BIRC6: variants seen among roughly 807,000 people sequenced by gnomAD.
The protein encoded by BIRC6 is baculoviral IAP repeat containing 6.
BIRC6 carries 98 observed loss-of-function variants against 503.3 expected under a neutral mutation model. The observed-to-expected ratio is 0.19, with a 90% CI of 0.17 to 0.23. The LOEUF is 0.23. Among genes scored for constraint, BIRC6 ranks in the 10% least tolerant of loss-of-function variants. The pLI, the probability that BIRC6 is intolerant of heterozygous loss-of-function variation, is 1.00. For missense variants in BIRC6, 5,360 were observed against 5,806.0 expected (o/e 0.92, Z 2.50); for synonymous variants, 2,240 against 2,078.7 (o/e 1.08, Z -2.11).
In BIRC6 at chr2:32,529,336, C is replaced by G. The variant is rs185612530; in HGVS notation, c.11921-315C>G. ...TTGTAACAGAGACTATATGGCCCCC[C>G]CAGGTTAAAGTATTTATTAGCTGTC... On this transcript the variant is annotated intron_variant, in intron 59 of 73. Transcript: ENST00000421745. 13 of 220,884 alleles carry G rather than the reference C, an allele frequency of 5.9e-5. No homozygotes were observed. The East Asian group carries it at 1.2e-3, about 21-fold the overall frequency. 13.7% of individuals were successfully genotyped at this position (220,884 alleles called of 1,614,324 possible).
At chr2:32,556,212 A>C (rs761364772) in intron 65 of BIRC6, among the ~76,000 whole-genome samples, 5 of 152,220 alleles carry the variant, frequency 3.3e-5, no homozygotes, top group Admixed American at 1.3e-4. Flanking sequence ...ACTTTGGTAT[A>C]GAATATATGA....
At chr2:32,428,932 A>G (rs894678700) in intron 10 of BIRC6, among the ~76,000 whole-genome samples, 3 of 152,154 alleles carry the variant, frequency 2.0e-5, no homozygotes, top group African/African-American at 7.2e-5. Context: ...GTTTTCATGT[A>G]TGTTTATGTA....
At chr2:32,512,712 G>A (rs1391049500) in intron 53 of BIRC6, among the ~76,000 whole-genome samples, 3 of 152,024 alleles carry the variant, frequency 2.0e-5, no homozygotes, top group African/African-American at 7.2e-5. Flanking sequence ...ACCTTTTGAT[G>A]GTTGAAATTG....
intron 71 of BIRC6, among the ~76,000 whole-genome samples, 154 bp downstream of exon 71, chr2:32,603,237 C>T (rs2151567116): frequency 6.6e-6 from 1 of 152,192 alleles, no homozygotes; most frequent in East Asian, 1.9e-4. Context: ...GAGAAGTTAG[C>T]ATAATGGAGT....
At chr2:32,449,382 G>A (rs2046428694) in intron 22 of BIRC6, among the ~76,000 whole-genome samples, 1 of 152,100 alleles carries the variant, frequency 6.6e-6, no homozygotes, top group Admixed American at 6.5e-5. Flanking sequence ...ACTTTCTTGA[G>A]GTAAGCTTTG....
At chr2:32,609,815 G>A (rs1316238585) in intron 72 of BIRC6, among the ~76,000 whole-genome samples, 1 of 151,704 alleles carries the variant, frequency 6.6e-6, no homozygotes, top group Non-Finnish European at 1.5e-5. Flanking sequence ...ATAAACACAG[G>A]GAACTCAGAG....
chr2:32,434,662 GTA>G (rs1388255419), intron 13 of BIRC6, among the ~76,000 whole-genome samples: 2 of 152,076 alleles, frequency 1.3e-5, no homozygotes, highest in Non-Finnish European at 2.9e-5. Context: ...AGCCTGGGAA[GTA>G]TAGCAAGCAC....
At chr2:32,453,140 G>T (rs912318750) in intron 22 of BIRC6, among the ~76,000 whole-genome samples, 1 of 151,364 alleles carries the variant, frequency 6.6e-6, no homozygotes, top group South Asian at 2.1e-4. Flanking sequence ...CGCAGTCCCT[G>T]TGAATTCATT....
chr2:32,490,807 G>A (rs897425586), intron 43 of BIRC6, among the ~76,000 whole-genome samples: 5 of 151,838 alleles, frequency 3.3e-5, no homozygotes, highest in African/African-American at 9.7e-5. Context: ...TCATAAACAT[G>A]CATAACTAGA....
intron 49 of BIRC6, among the ~76,000 whole-genome samples, chr2:32,504,108 C>G (rs2053533355): frequency 6.8e-6 from 1 of 147,584 alleles, no homozygotes; most frequent in Admixed American, 6.9e-5. Context: ...CCATGTTGTC[C>G]AGGCTGGTCT....
At chr2:32,396,025 G>A (rs938855083) in intron 6 of BIRC6, among the ~76,000 whole-genome samples, 1 of 151,866 alleles carries the variant, frequency 6.6e-6, no homozygotes, top group African/African-American at 2.4e-5. Flanking sequence ...TTTAGAACCT[G>A]GTTAAACATT....
In BIRC6 at chr2:32,515,184, T is replaced by G. The variant is rs757374019; in HGVS notation, c.10763T>G (p.Leu3588Arg). 3.7e-6 allele frequency: 6 copies of G among 1,613,868 alleles called. No individual in the cohort carries two copies. In the South Asian group the frequency reaches 6.6e-5, roughly 18 times the overall value. Residue 3588 changes from leucine (L) to arginine (R), a missense_variant, in exon 55 of 74, where the codon CTT (leucine) becomes CGT (arginine). Leu to Arg is a moderately radical substitution (Grantham distance 102). Transcript: ENST00000421745. ...ACAGATGATAGCAAAAAGCAGGATC[T>G]TAGTTCATCTTTAACAGATGACTCT... ...SMTDDSKKQD[L>R]SSSLTDDSKN...
At position 32,395,360 on chromosome 2, in the gene BIRC6, G is replaced by T. The variant is rs1051558356; in HGVS notation, c.952-151G>T. 1.3e-5 allele frequency: 7 copies of T among 552,074 alleles called. No individual in the cohort carries two copies. The East Asian group carries it at 1.8e-4, about 15-fold the overall frequency. 34.2% of individuals were successfully genotyped at this position (552,074 alleles called of 1,614,324 possible). A position where few individuals can be genotyped will look rare whatever the true frequency, so the allele number is the denominator to read the frequency against. ...AATTAATAAATATTTGGAGGTTTCAGTGTATTGTTGGACCTAATATTATAG... is the reference window on the plus strand; with the variant it reads ...AATTAATAAATATTTGGAGGTTTCATTGTATTGTTGGACCTAATATTATAG... On this transcript the variant is annotated intron_variant, in intron 5 of 73. Transcript: ENST00000421745.
chr2:32,382,098 A>C (rs1490876786), intron 3 of BIRC6, among the ~76,000 whole-genome samples: 1 of 152,240 alleles, frequency 6.6e-6, no homozygotes, highest in Admixed American at 6.5e-5. Context: ...TCCTGAGATA[A>C]CAGAGATAAC....
chr2:32,447,181 T>C (rs533270396), intron 21 of BIRC6, among the ~76,000 whole-genome samples: 12 of 148,850 alleles, frequency 8.1e-5, no homozygotes, highest in African/African-American at 3.0e-4. Flanking sequence ...AACCATCCGA[T>C]TTCTCAATTT....
chr2:32,588,990 T>G (rs1377669545), intron 66 of BIRC6, among the ~76,000 whole-genome samples: 2 of 152,200 alleles, frequency 1.3e-5, no homozygotes, highest in African/African-American at 2.4e-5. Flanking sequence ...GTTTTACTTT[T>G]GAATAAATAT....
At chr2:32,473,314 A>T in intron 33 of BIRC6, 75 bp downstream of exon 33, 1 of 1,254,762 alleles carries the variant, frequency 8.0e-7, no homozygotes, top group Non-Finnish European at 1.1e-6. Context: ...CAGATGTGCC[A>T]TCAGATGTGA....
At chr2:32,400,971 G>A (rs1401390884) in intron 6 of BIRC6, among the ~76,000 whole-genome samples, 192 bp from the exon 7 acceptor site, 1 of 152,176 alleles carries the variant, frequency 6.6e-6, no homozygotes, top group African/African-American at 2.4e-5. Context: ...AATATTGAAT[G>A]TGTGAATTTG....
intron 10 of BIRC6, among the ~76,000 whole-genome samples, chr2:32,420,130 A>G (rs1486186470): frequency 6.6e-6 from 1 of 152,228 alleles, no homozygotes; most frequent in Non-Finnish European, 1.5e-5. Context: ...CATATCGTTC[A>G]TCAGGGATAT....
Sources: gnomAD v4.1 joint callset for allele counts (sites outside exome capture counted in the v4.1 genomes callset) on GRCh38, gnomAD v4.1.1 for gene constraint, MANE v1.5 for transcripts, NCBI Gene and HGNC (gene_info 2026-07-23, HGNC 2026-07-21) for gene names.